Variants in HIVEP3 observed in about 807,000 individuals in gnomAD.
HIVEP3 encodes the protein transcription factor HIVEP3.
Under a neutral mutation model 152.8 loss-of-function variants are expected in HIVEP3, and 49 were observed. The ratio of observed to expected loss-of-function variants is 0.32; its 90% confidence interval spans 0.26 to 0.41. The LOEUF is 0.41. Among genes scored for constraint, HIVEP3 ranks in the 10% least tolerant of loss-of-function variants. HIVEP3 has a pLI of 1.00. For missense variants in HIVEP3, 2,790 were observed against 3,103.3 expected, an observed-to-expected ratio of 0.90 and a Z score of 2.40; for synonymous variants, 1,269 against 1,289.0, an observed-to-expected ratio of 0.98 and a Z score of 0.33.
upstream of HIVEP3, among the ~76,000 whole-genome samples, chr1:41,920,029 C>T (rs1278154216): frequency 1.3e-5 from 2 of 152,204 alleles, no homozygotes; most frequent in East Asian, 3.8e-4. Context: ...CTTGCCTAGT[C>T]CTGCCAGGCA....
intron 1 of HIVEP3, among the ~76,000 whole-genome samples, chr1:41,958,616 C>T (rs147320463): frequency 6.6e-6 from 1 of 152,344 alleles, no homozygotes; most frequent in East Asian, 1.9e-4. Context: ...ACTGTTGCAG[C>T]AACCCTTCTT....
At chr1:41,947,479 C>A (rs1263747736) in intron 1 of HIVEP3, among the ~76,000 whole-genome samples, 1 of 152,252 alleles carries the variant, frequency 6.6e-6, no homozygotes, top group African/African-American at 2.4e-5. Flanking sequence ...CTTGGCATAA[C>A]AGGCTTCTGC....
intron 5 of HIVEP3, among the ~76,000 whole-genome samples, chr1:41,531,036 G>A (rs1569779029): frequency 1.3e-5 from 2 of 151,744 alleles, no homozygotes; most frequent in East Asian, 3.9e-4. Flanking sequence ...TGGAGGACAG[G>A]AGAGATGGAG....
chr1:41,829,018 G>GGC (rs1357730107), intron 1 of HIVEP3, among the ~76,000 whole-genome samples: 2 of 152,158 alleles, frequency 1.3e-5, no homozygotes, highest in Non-Finnish European at 2.9e-5. Context: ...GCTCAGGGGT[G>GGC]GCCTCCCTTG....
rs199711217 is a variant in HIVEP3 at position 41,580,891 on chromosome 1, G to T, written c.3907C>A (p.Pro1303Thr). 1.9e-6 allele frequency: 3 copies of T among 1,611,578 alleles called. No homozygotes were observed. Among genetic ancestry groups the T allele is most frequent in the African/African-American group, 2.7e-5 (2 of 75,042 alleles). Residue 1303 changes from proline to threonine, a missense_variant, in exon 4 of 9, where the codon CCT becomes ACT. This residue lies in a region of HIVEP3 where 1,078 missense variants were observed against 1,165.3 expected (regional missense o/e 0.93). Coordinates refer to ENST00000372583, the MANE Select transcript of HIVEP3 (RefSeq NM_024503.5). ...GGACAGGCAGGCAGGGCCAGTGGAG[G>T]AGCTGATGTAGGTGCTGAGGAGCTG... ...PASSSAPTSA[P>T]PLALPACPDT...
intron 1 of HIVEP3, among the ~76,000 whole-genome samples, chr1:41,717,933 C>T (rs192361362): frequency 1.3e-5 from 2 of 152,198 alleles, no homozygotes; most frequent in East Asian, 3.9e-4. Context: ...CAGCAGGGCA[C>T]CCATGGATGG....
intron 7 of HIVEP3, among the ~76,000 whole-genome samples, chr1:41,517,934 T>C (rs1174014277): frequency 1.3e-5 from 2 of 152,150 alleles, no homozygotes; most frequent in Admixed American, 1.3e-4. Flanking sequence ...CCAGAGTGTG[T>C]AGGCAGGAGT....
intron 1 of HIVEP3, among the ~76,000 whole-genome samples, chr1:41,903,363 CATCTGAAAA>C (rs1308677769): frequency 6.6e-6 from 1 of 152,212 alleles, no homozygotes; most frequent in African/African-American, 2.4e-5. Context: ...TCAGTTTCCC[CATCTGAAAA>C]ATTGAGATAC....
At position 41,581,733 on chromosome 1, in the gene HIVEP3, C is replaced by T. The variant is rs756181531; in HGVS notation, c.3065G>A (p.Gly1022Asp). The change falls in exon 4 of 9, where the codon GGC (glycine) becomes GAC (aspartate). Residue 1022 changes from glycine to aspartate, a missense_variant. By Grantham distance (94) the Gly-to-Asp change is moderately conservative (BLOSUM62 -1). This residue lies in a region of HIVEP3 where 1,078 missense variants were observed against 1,165.3 expected (regional missense o/e 0.93). Transcript: ENST00000372583. This position sits in a 1 kb window ranked among gnomAD's most constrained non-coding sequence, Gnocchi z 4.5. ...SFDYGSLSLT[G>D]PSAPAPVAPP... ...AGCCACTGGGGCTGGAGCAGAAGGG[C>T]CTGTCAAGGACAAGCTGCCATAGTC... is the stretch of plus-strand genomic sequence containing the variant. 6.2e-7 allele frequency: 1 copy of T among 1,608,644 alleles called. No individual in the cohort carries two copies. Among genetic ancestry groups the T allele is most frequent in the South Asian group, 1.1e-5 (1 of 90,032 alleles).
intron 1 of HIVEP3, among the ~76,000 whole-genome samples, chr1:42,031,460 C>A (rs1645612590): frequency 6.6e-6 from 1 of 152,060 alleles, no homozygotes; most frequent in Admixed American, 6.5e-5. Flanking sequence ...AGTTTTCCAA[C>A]TTCAACACTG....
chr1:41,876,382 G>A (rs1644171443), intron 1 of HIVEP3, among the ~76,000 whole-genome samples: 1 of 152,092 alleles, frequency 6.6e-6, no homozygotes, highest in African/African-American at 2.4e-5. Flanking sequence ...CTTGGTAGCT[G>A]TCAAACTCTG....
chr1:41,737,304 C>G (rs1646932994), intron 1 of HIVEP3, among the ~76,000 whole-genome samples: 1 of 152,192 alleles, frequency 6.6e-6, no homozygotes. Flanking sequence ...TGTGTGTAAG[C>G]AGGCACTTGA....
intron 1 of HIVEP3, among the ~76,000 whole-genome samples, chr1:41,775,531 C>T (rs1648644658): frequency 6.6e-6 from 1 of 152,014 alleles, no homozygotes; most frequent in Non-Finnish European, 1.5e-5. Flanking sequence ...TACTCTGTCG[C>T]CCAGGCTGGA....
chr1:41,619,887 G>A (rs1645022046), intron 3 of HIVEP3, among the ~76,000 whole-genome samples: 1 of 152,190 alleles, frequency 6.6e-6, no homozygotes, highest in African/African-American at 2.4e-5. Context: ...AGATTAGGCT[G>A]CAGTGAGCAC....
At chr1:41,820,016 A>C (rs1642542624) in intron 1 of HIVEP3, among the ~76,000 whole-genome samples, 1 of 152,136 alleles carries the variant, frequency 6.6e-6, no homozygotes, top group Non-Finnish European at 1.5e-5. Flanking sequence ...GAAATAAATG[A>C]ATGGGGATGT....
intron 2 of HIVEP3, among the ~76,000 whole-genome samples, chr1:41,631,347 C>G (rs1044601898): frequency 6.6e-6 from 1 of 152,122 alleles, no homozygotes; most frequent in African/African-American, 2.4e-5. Flanking sequence ...TTCCAGGGCC[C>G]GTACTTTAAT....
At chr1:41,945,215 C>T (rs911666259) in intron 1 of HIVEP3, among the ~76,000 whole-genome samples, 5 of 152,110 alleles carry the variant, frequency 3.3e-5, no homozygotes, top group African/African-American at 1.2e-4. Context: ...TAATAAGGAC[C>T]CCGCCTTCAA....
At chr1:41,701,212 AG>A (rs1646357850) in intron 1 of HIVEP3, among the ~76,000 whole-genome samples, 1 of 152,156 alleles carries the variant, frequency 6.6e-6, no homozygotes, top group African/African-American at 2.4e-5. Context: ...GCAAGTCACA[AG>A]TTGTCTGCCC....
chr1:41,828,826 T>C (rs1339979472), intron 1 of HIVEP3, among the ~76,000 whole-genome samples: 1 of 152,242 alleles, frequency 6.6e-6, no homozygotes, highest in African/African-American at 2.4e-5. Flanking sequence ...TCCCTTTCAT[T>C]GTGCCAGGGC....
Sources: gnomAD v4.1 joint callset for allele counts (sites outside exome capture counted in the v4.1 genomes callset) on GRCh38, gnomAD v4.1.1 for gene constraint, gnomAD v4.1.1 regional missense constraint, Gnocchi (gnomAD v3.1) non-coding constraint, MANE v1.5 for transcripts, NCBI Gene and HGNC (gene_info 2026-07-23, HGNC 2026-07-21) for gene names.